CDC73: variants seen among roughly 807,000 people sequenced by gnomAD.
CDC73 encodes the protein parafibromin.
A neutral mutation model predicts 83.7 loss-of-function variants in CDC73; 21 were observed. That is an observed-to-expected ratio of 0.25 (90% CI 0.18 to 0.36). The LOEUF (loss-of-function observed/expected upper bound fraction) is 0.36, where lower values mean the gene tolerates loss of function less well. CDC73 is among the 10% of genes least tolerant of loss of function. The pLI is 1.00. For missense variants in CDC73, 342 were observed against 653.3 expected, an observed-to-expected ratio of 0.52 and a Z score of 5.19; for synonymous variants, 224 against 212.9, an observed-to-expected ratio of 1.05 and a Z score of -0.45.
At chr1:193,140,395 A>T (rs1020960702) in intron 6 of CDC73, among the ~76,000 whole-genome samples, 1 of 152,160 alleles carries the variant, frequency 6.6e-6, no homozygotes, top group Non-Finnish European at 1.5e-5. Context: ...GTAGTCCCCC[A>T]TCCACCCTCT....
At chr1:193,158,755 T>C (rs535443756) in intron 10 of CDC73, among the ~76,000 whole-genome samples, 3 of 152,218 alleles carry the variant, frequency 2.0e-5, no homozygotes, top group Admixed American at 2.0e-4. Flanking sequence ...AGTATAAAGG[T>C]GTACCCCTTA....
intron 13 of CDC73, among the ~76,000 whole-genome samples, chr1:193,225,394 A>G (rs1677550093): frequency 6.6e-6 from 1 of 151,962 alleles, no homozygotes; most frequent in African/African-American, 2.4e-5. Flanking sequence ...TTTTTGTATC[A>G]TGACTTCTTT....
chr1:193,143,186 G>A (rs1197948408), intron 7 of CDC73, among the ~76,000 whole-genome samples: 4 of 152,160 alleles, frequency 2.6e-5, no homozygotes, highest in African/African-American at 9.7e-5. Flanking sequence ...GTTTTACAAA[G>A]TACCTAAGGT....
At chr1:193,127,278 A>G (rs539590446) in intron 2 of CDC73, among the ~76,000 whole-genome samples, 390 of 111,188 alleles carry the variant, frequency 3.5e-3, no homozygotes, top group African/African-American at 0.013. Context: ...TGTCTCAGGG[A>G]AAAAAAAAAA....
chr1:193,122,120 G>GGGCGAGGCGACAAGAGAAGAAGGAGGCA lies in CDC73; in HGVS notation c.-76_-49dup. On this transcript the variant is annotated 5_prime_UTR_variant, in exon 1 of 17. Transcript: ENST00000367435. ...CGGCGGCGAAGGAGGAGGAGGAAGA[G>GGGCGAGGCGACAAGAGAAGAAGGAGGCA]GGCGAGGCGACAAGAGAAGAAGGAG... 6.4e-6 allele frequency: 9 copies of GGGCGAGGCGACAAGAGAAGAAGGAGGCA among 1,407,156 alleles called. No individual in the cohort carries two copies. Among genetic ancestry groups the GGGCGAGGCGACAAGAGAAGAAGGAGGCA allele is most frequent in the Non-Finnish European group, 9.0e-6 (9 of 995,478 alleles). 87.2% of individuals were successfully genotyped at this position (1,407,156 alleles called of 1,614,324 possible).
At chr1:193,131,779 T>C (rs1675698533) in intron 3 of CDC73, among the ~76,000 whole-genome samples, 1 of 152,250 alleles carries the variant, frequency 6.6e-6, no homozygotes, top group Non-Finnish European at 1.5e-5. Context: ...AGATCTGTGC[T>C]CAAGTGTTTT....
intron 13 of CDC73, 39 bp downstream of exon 13, chr1:193,212,516 G>T: frequency 8.1e-7 from 1 of 1,236,256 alleles, no homozygotes; most frequent in South Asian, 1.3e-5. Flanking sequence ...GTAGGATATT[G>T]AGATACCATT....
intron 10 of CDC73, chr1:193,180,713 G>C (rs775377858): frequency 3.7e-6 from 6 of 1,613,994 alleles, no homozygotes; most frequent in East Asian, 2.2e-5. Context: ...GCATATCCTC[G>C]CATTAGGTAA....
intron 10 of CDC73, chr1:193,181,044 A>G (rs771587183): frequency 3.7e-6 from 6 of 1,613,916 alleles, no homozygotes; most frequent in African/African-American, 2.7e-5. Flanking sequence ...CATTGCCCCA[A>G]GTTTGCCGAA....
At chr1:193,221,590 G>A (rs1677471021) in intron 13 of CDC73, among the ~76,000 whole-genome samples, 1 of 152,076 alleles carries the variant, frequency 6.6e-6, no homozygotes, top group South Asian at 2.1e-4. Flanking sequence ...CCACTCTCAA[G>A]AACCTTTGCA....
chr1:193,245,358 G>T, intron 15 of CDC73, among the ~76,000 whole-genome samples: 1 of 152,058 alleles, frequency 6.6e-6, no homozygotes, highest in Non-Finnish European at 1.5e-5. Flanking sequence ...TTCTACATAT[G>T]AGAGAGAACT....
At chr1:193,158,051 A>T (rs1010402363) in intron 10 of CDC73, among the ~76,000 whole-genome samples, 1 of 151,530 alleles carries the variant, frequency 6.6e-6, no homozygotes, top group Non-Finnish European at 1.5e-5. Context: ...GTGTAAATGT[A>T]GGCAACTATA....
At chr1:193,208,808 C>T (rs975702005) in intron 11 of CDC73, among the ~76,000 whole-genome samples, 23 of 152,020 alleles carry the variant, frequency 1.5e-4, no homozygotes, top group Admixed American at 1.2e-3. Flanking sequence ...GTTCCCCAAG[C>T]GCAGCAGTTT....
intron 11 of CDC73, among the ~76,000 whole-genome samples, chr1:193,204,287 ATTTT>A (rs1181776959): frequency 2.5e-4 from 34 of 133,978 alleles, no homozygotes; most frequent in African/African-American, 7.5e-4. Flanking sequence ...GTATATATAT[ATTTT>A]TTTTTTTTCT....
intron 10 of CDC73, among the ~76,000 whole-genome samples, chr1:193,175,477 A>T (rs1676585119): frequency 6.6e-6 from 1 of 152,174 alleles, no homozygotes; most frequent in South Asian, 2.1e-4. Flanking sequence ...ATACAGACAC[A>T]GTTGGCACTT....
Position 193,151,062 on chromosome 1 carries a change from C to T in CDC73, c.907+680C>T, listed in dbSNP as rs367750555. ...GGAGGACTTACTTTGTGATAGTCTA[C>T]GTGGTATTCTGGCTAATGCAATAAC... On this transcript the variant is annotated intron_variant, in intron 9 of 16. Coordinates refer to ENST00000367435, the MANE Select transcript of CDC73 (RefSeq NM_024529.5). 2.6e-5 allele frequency among the ~76,000 whole-genome samples: 4 copies of T among 152,260 alleles called. 1 individual carries two copies. The highest frequency in any genetic ancestry group is 7.2e-5 in the African/African-American group (3 of 41,558).
chr1:193,177,358 C>CAAAAAA (rs10672869), intron 10 of CDC73, among the ~76,000 whole-genome samples: 20,229 of 69,198 alleles, frequency 0.29, 4,141 homozygotes, highest in South Asian at 0.42. Context: ...ACTAAAAATA[C>CAAAAAA]AAAAAAAAAA....
chr1:193,181,846 T>A (rs187364519), intron 10 of CDC73, among the ~76,000 whole-genome samples: 3 of 152,178 alleles, frequency 2.0e-5, no homozygotes, highest in Admixed American at 2.0e-4. Context: ...AGAACAAGAT[T>A]AATTTATTTA....
chr1:193,127,445 T>A (rs955011271), intron 2 of CDC73, among the ~76,000 whole-genome samples: 3 of 152,122 alleles, frequency 2.0e-5, no homozygotes, highest in Admixed American at 6.6e-5. Context: ...AGAGTGGGAC[T>A]ACTTGGGAAA....
Sources: allele counts gnomAD v4.1 joint callset (sites outside exome capture counted in the v4.1 genomes callset), GRCh38; gene constraint gnomAD v4.1.1; transcripts MANE v1.5; gene names NCBI Gene and HGNC (gene_info 2026-07-23, HGNC 2026-07-21).